CTNNA3: variants seen among roughly 807,000 people sequenced by gnomAD.
CTNNA3 encodes catenin alpha-3.
In CTNNA3, 76 loss-of-function variants were observed where a neutral mutation model predicts 95.7. The observed-to-expected ratio is 0.79, with a 90% CI of 0.66 to 0.96. The LOEUF is 0.96. CTNNA3 is among the 40% of genes least tolerant of loss of function. The pLI is 0.00. For synonymous variants in CTNNA3, 431 were observed against 374.4 expected, an observed-to-expected ratio of 1.15 and a Z score of -1.74; for missense variants, 1,191 against 1,089.8, an observed-to-expected ratio of 1.09 and a Z score of -1.31.
At chr10:66,807,909 AGT>A (rs1211397725) in intron 7 of CTNNA3, among the ~76,000 whole-genome samples, 25 of 152,098 alleles carry the variant, frequency 1.6e-4, no homozygotes, top group African/African-American at 5.8e-4. Context: ...CATTTTCAGG[AGT>A]TTCCCTTAGT....
chr10:67,684,530 C>A (rs1284572280), intron 1 of CTNNA3, among the ~76,000 whole-genome samples: 1 of 152,206 alleles, frequency 6.6e-6, no homozygotes, highest in Non-Finnish European at 1.5e-5. Flanking sequence ...CCCCTCTAAA[C>A]AGGACACCCC....
chr10:67,106,582 A>C (rs1055567722), intron 7 of CTNNA3, among the ~76,000 whole-genome samples: 7 of 152,178 alleles, frequency 4.6e-5, no homozygotes, highest in Non-Finnish European at 7.3e-5. Context: ...TAATAATCCT[A>C]TGAAGTAGAT....
intron 10 of CTNNA3, among the ~76,000 whole-genome samples, chr10:66,577,224 T>C (rs972588636): frequency 1.3e-5 from 2 of 151,986 alleles, no homozygotes; most frequent in South Asian, 2.1e-4. Context: ...TTCTGGATAA[T>C]AGGCCTTTGT....
chr10:67,234,512 T>G (rs1464283691), intron 5 of CTNNA3, among the ~76,000 whole-genome samples: 2 of 152,216 alleles, frequency 1.3e-5, no homozygotes, highest in Non-Finnish European at 2.9e-5. Flanking sequence ...GGGGCGTATT[T>G]CAAAATAATA....
intron 5 of CTNNA3, among the ~76,000 whole-genome samples, chr10:67,241,267 A>T (rs1865708432): frequency 6.6e-6 from 1 of 152,112 alleles, no homozygotes; most frequent in South Asian, 2.1e-4. Flanking sequence ...CTAAAAAAAT[A>T]CAAAAATTAG....
At chr10:66,642,333 C>T (rs1419977112) in intron 9 of CTNNA3, among the ~76,000 whole-genome samples, 2 of 151,400 alleles carry the variant, frequency 1.3e-5, no homozygotes, top group African/African-American at 4.9e-5. Context: ...CTTACATTCC[C>T]TCCACCCAGA....
intron 5 of CTNNA3, among the ~76,000 whole-genome samples, chr10:67,375,239 C>G (rs1293922414): frequency 6.6e-6 from 1 of 152,174 alleles, no homozygotes; most frequent in Non-Finnish European, 1.5e-5. Context: ...GCCTACTCTT[C>G]CTATATAACA....
chr10:67,162,271 T>C (rs10466008), intron 7 of CTNNA3, among the ~76,000 whole-genome samples: 58,624 of 151,812 alleles, frequency 0.39, 16,023 homozygotes, highest in African/African-American at 0.78. Context: ...CAACAAATTC[T>C]CAAGACCACG....
chr10:67,424,817 T>C (rs1845861287), intron 5 of CTNNA3, among the ~76,000 whole-genome samples: 1 of 152,126 alleles, frequency 6.6e-6, no homozygotes, highest in Non-Finnish European at 1.5e-5. Context: ...TCAATCTTTG[T>C]TACCCAAGCA....
chr10:66,054,057 T>C (rs1184044812), intron 15 of CTNNA3, among the ~76,000 whole-genome samples: 2 of 152,172 alleles, frequency 1.3e-5, no homozygotes, highest in African/African-American at 4.8e-5. Context: ...AATGACAGGA[T>C]TTCATTCTTT....
At chr10:66,837,856 C>A (rs1203648032) in intron 7 of CTNNA3, among the ~76,000 whole-genome samples, 1 of 152,074 alleles carries the variant, frequency 6.6e-6, no homozygotes, top group Non-Finnish European at 1.5e-5. Context: ...ATTGCACAGT[C>A]ATCAAGGACT....
chr10:66,702,724 A>G (rs1389446357), intron 9 of CTNNA3, among the ~76,000 whole-genome samples: 2 of 135,062 alleles, frequency 1.5e-5, no homozygotes, highest in Admixed American at 7.1e-5. Flanking sequence ...AAAAAAAAAA[A>G]AAAGAATAAG....
intron 14 of CTNNA3, among the ~76,000 whole-genome samples, chr10:66,095,701 AT>A (rs558648400): frequency 4.6e-5 from 7 of 151,900 alleles, no homozygotes; most frequent in East Asian, 3.9e-4. Flanking sequence ...TTTACATGGC[AT>A]TTTTTTTACA....
chr10:66,452,451 C>T (rs1441078682), intron 11 of CTNNA3, among the ~76,000 whole-genome samples: 2 of 152,094 alleles, frequency 1.3e-5, no homozygotes, highest in African/African-American at 4.8e-5. Context: ...GCTTCTAACC[C>T]CCAAGCTGCC....
chr10:65,996,477 G>T (rs922657507), intron 15 of CTNNA3, among the ~76,000 whole-genome samples: 1 of 152,148 alleles, frequency 6.6e-6, no homozygotes, highest in Admixed American at 6.5e-5. Context: ...TTCTAGGGAT[G>T]TAGGAATGCA....
intron 7 of CTNNA3, among the ~76,000 whole-genome samples, chr10:66,814,679 G>A (rs1025946109): frequency 6.0e-4 from 92 of 152,126 alleles, no homozygotes; most frequent in African/African-American, 2.2e-3. Flanking sequence ...TGGGAGTATT[G>A]CTTGAGCCTG....
At chr10:66,249,527 G>A (rs538380112) in intron 13 of CTNNA3, among the ~76,000 whole-genome samples, 1 of 152,188 alleles carries the variant, frequency 6.6e-6, no homozygotes, top group African/African-American at 2.4e-5. Flanking sequence ...AATATGAAAA[G>A]GTGCTGAACA....
intron 1 of CTNNA3, among the ~76,000 whole-genome samples, chr10:67,709,569 C>A (rs1841095544): frequency 6.6e-6 from 1 of 152,074 alleles, no homozygotes; most frequent in African/African-American, 2.4e-5. Context: ...TTTTCATAAA[C>A]ACCCCTGCTA....
intron 13 of CTNNA3, among the ~76,000 whole-genome samples, chr10:66,108,372 C>T (rs889116689): frequency 6.6e-6 from 1 of 152,082 alleles, no homozygotes; most frequent in Non-Finnish European, 1.5e-5. Context: ...ACATGTCCCA[C>T]TTGTCAGCAC....
Sources: gnomAD v4.1 joint callset for allele counts (sites outside exome capture counted in the v4.1 genomes callset) on GRCh38, gnomAD v4.1.1 for gene constraint, MANE v1.5 for transcripts, NCBI Gene and HGNC (gene_info 2026-07-23, HGNC 2026-07-21) for gene names.